IL1RAPL1: variants seen among roughly 807,000 people sequenced by gnomAD.
IL1RAPL1 encodes the protein interleukin-1 receptor accessory protein-like 1.
In IL1RAPL1, 3 loss-of-function variants were observed where a neutral mutation model predicts 48.4. The ratio of observed to expected loss-of-function variants is 0.06; its 90% CI spans 0.03 to 0.16. The LOEUF (loss-of-function observed/expected upper bound fraction) is 0.16, where lower values mean the gene tolerates loss of function less well. Among genes scored for constraint, IL1RAPL1 ranks in the 10% least tolerant of loss-of-function variants. The pLI is 1.00. For missense variants in IL1RAPL1, 349 were observed against 530.6 expected, an observed-to-expected ratio of 0.66 and a Z score of 3.36; for synonymous variants, 185 against 187.7, an observed-to-expected ratio of 0.99 and a Z score of 0.12.
chrX:29,214,928 C>A (rs1400576743), intron 2 of IL1RAPL1, among the ~76,000 whole-genome samples: 1 of 112,061 alleles, frequency 8.9e-6, no homozygotes, highest in East Asian at 2.8e-4. Context: ...TAAGTCCTTA[C>A]TAAATAGATT....
At chrX:28,845,362 ATTACT>A (rs1039099702) in intron 2 of IL1RAPL1, among the ~76,000 whole-genome samples, 13 of 111,218 alleles carry the variant, frequency 1.2e-4, no homozygotes, top group East Asian at 2.8e-4. Context: ...TTCAACACAC[ATTACT>A]TTAATTGTAC....
At chrX:29,765,079 T>C (rs1196054023) in intron 6 of IL1RAPL1, among the ~76,000 whole-genome samples, 1 of 112,260 alleles carries the variant, frequency 8.9e-6, no homozygotes, top group Non-Finnish European at 1.9e-5. Flanking sequence ...TTTCATGCAA[T>C]AGTTTGTGTG....
chrX:28,766,683 C>T (rs1936243667), intron 1 of IL1RAPL1, among the ~76,000 whole-genome samples: 2 of 110,721 alleles, frequency 1.8e-5, no homozygotes, highest in Middle Eastern at 9.2e-3. Flanking sequence ...TCTCCTCCCG[C>T]ATCCCCCATT....
chrX:28,761,609 G>A (rs754000690), intron 1 of IL1RAPL1, among the ~76,000 whole-genome samples: 325 of 110,876 alleles, frequency 2.9e-3, no homozygotes, highest in Middle Eastern at 4.7e-3. Context: ...GGGAAAGAGC[G>A]GGGCAAGAGC....
Position 29,865,689 on chromosome X carries a change from T to G in IL1RAPL1, c.779-51775T>G, listed in dbSNP as rs376582636. On this transcript the variant is annotated intron_variant, in intron 6 of 10. Transcript: ENST00000378993. The stretch of plus-strand genomic sequence containing the variant: ...TCTTCCTCTGTCAAATAGGCTGGAG[T>G]GCAGTAGTGCGATCTCCACTCACTG... 3.9e-4 allele frequency among the ~76,000 whole-genome samples: 38 copies of G among 98,485 alleles called. No individual in the cohort carries two copies. In the East Asian group the frequency reaches 0.012, roughly 31 times the overall value. The allele number at this position is 98,485 out of a possible 115,157, so 85.5% of individuals were successfully genotyped here. A position where few individuals can be genotyped will look rare whatever the true frequency, so the allele number is the denominator to read the frequency against.
intron 2 of IL1RAPL1, among the ~76,000 whole-genome samples, chrX:29,242,355 A>G (rs759881188): frequency 6.2e-5 from 7 of 112,355 alleles, no homozygotes; most frequent in Non-Finnish European, 1.1e-4. Context: ...CCATTTAAAG[A>G]TGACATTTGA....
At chrX:29,608,564 T>C (rs150879922) in intron 5 of IL1RAPL1, among the ~76,000 whole-genome samples, 2,951 of 111,147 alleles carry the variant, frequency 0.027, 44 homozygotes, top group African/African-American at 0.029. Flanking sequence ...CGGTGGCTTA[T>C]GCCTGTAATC....
At chrX:28,788,326 A>G (rs754168210) in intron 1 of IL1RAPL1, among the ~76,000 whole-genome samples, 1 of 111,949 alleles carries the variant, frequency 8.9e-6, no homozygotes, top group South Asian at 3.7e-4. Context: ...TCTGAGGAAG[A>G]CAATGTTCGT....
intron 1 of IL1RAPL1, among the ~76,000 whole-genome samples, chrX:28,710,841 A>G (rs1030095833): frequency 8.9e-6 from 1 of 112,242 alleles, no homozygotes; most frequent in African/African-American, 3.2e-5. Context: ...CATGTACCAC[A>G]CATCTAAATT....
rs1221398668 is a variant in IL1RAPL1, at chrX:29,956,320, A to G, written c.*500A>G. The G allele has an allele frequency of 5.6e-5, 5 of 89,918 alleles. No individual in the cohort carries two copies. The highest frequency in any genetic ancestry group is 1.1e-4 in the Non-Finnish European group (5 of 46,054). 7.4% of individuals were successfully genotyped at this position (89,918 alleles called of 1,213,427 possible). On this transcript the variant is annotated 3_prime_UTR_variant, in exon 11 of 11. Coordinates refer to ENST00000378993, the MANE Select transcript of IL1RAPL1 (RefSeq NM_014271.4). ...CAGTGCAACAAATGCCAGCATTGCC[A>G]TTCGGGGGAAAAAAAAAAAAAAAAA...
chrX:29,533,713 C>T (rs1239923348), intron 5 of IL1RAPL1, among the ~76,000 whole-genome samples: 1 of 112,068 alleles, frequency 8.9e-6, no homozygotes, highest in Non-Finnish European at 1.9e-5. Flanking sequence ...TCCCCATCAG[C>T]CATGTGTGAG....
chrX:29,597,968 C>T (rs1288006889), intron 5 of IL1RAPL1, among the ~76,000 whole-genome samples: 1 of 106,852 alleles, frequency 9.4e-6, no homozygotes, highest in Non-Finnish European at 1.9e-5. Context: ...TTTATCTTTT[C>T]AAAGAACCAG....
At chrX:29,955,054 C>A (rs192069414) in intron 10 of IL1RAPL1, 48 bp from the exon 11 acceptor site, 4 of 1,066,683 alleles carry the variant, frequency 3.7e-6, no homozygotes. Flanking sequence ...ACTTTCTGGA[C>A]CAAATTTTCC....
At chrX:29,118,581 A>G (rs1236330020) in intron 2 of IL1RAPL1, among the ~76,000 whole-genome samples, 3 of 111,748 alleles carry the variant, frequency 2.7e-5, no homozygotes, top group African/African-American at 9.7e-5. Flanking sequence ...AAATACATCT[A>G]TAAATTTCCC....
At chrX:29,162,567 A>C (rs1249818763) in intron 2 of IL1RAPL1, among the ~76,000 whole-genome samples, 1 of 110,251 alleles carries the variant, frequency 9.1e-6, no homozygotes, top group Non-Finnish European at 1.9e-5. Context: ...AATATATAGT[A>C]TACATTAATA....
At chrX:29,781,846 C>T (rs1181868539) in intron 6 of IL1RAPL1, among the ~76,000 whole-genome samples, 2 of 111,691 alleles carry the variant, frequency 1.8e-5, no homozygotes, top group African/African-American at 3.3e-5. Context: ...AGTATTGGGT[C>T]CACGTTCTGT....
At chrX:29,103,221 T>A (rs1345721883) in intron 2 of IL1RAPL1, among the ~76,000 whole-genome samples, 1 of 111,978 alleles carries the variant, frequency 8.9e-6, no homozygotes, top group East Asian at 2.8e-4. Flanking sequence ...GAGCCCACGT[T>A]ATGCTACAGG....
At chrX:29,110,887 G>T (rs1250815451) in intron 2 of IL1RAPL1, among the ~76,000 whole-genome samples, 3 of 110,931 alleles carry the variant, frequency 2.7e-5, no homozygotes, top group African/African-American at 9.8e-5. Context: ...GCATTGGATT[G>T]TATTTCTTCT....
chrX:29,945,960 T>TC (rs1425570360), intron 9 of IL1RAPL1, among the ~76,000 whole-genome samples: 1 of 110,803 alleles, frequency 9.0e-6, no homozygotes, highest in African/African-American at 3.3e-5. Flanking sequence ...TCCACAACAC[T>TC]CCCCGCCCAT....
Sources: gnomAD v4.1 joint callset for allele counts (sites outside exome capture counted in the v4.1 genomes callset) on GRCh38, gnomAD v4.1.1 for gene constraint, MANE v1.5 for transcripts, NCBI Gene and HGNC (gene_info 2026-07-23, HGNC 2026-07-21) for gene names.